KLHL1: variants seen among roughly 807,000 people sequenced by gnomAD.
The protein encoded by KLHL1 is kelch-like protein 1.
In KLHL1, 47 loss-of-function variants were observed where a neutral mutation model predicts 77.7. The observed-to-expected ratio is 0.60, with a 90% CI of 0.48 to 0.77. KLHL1 has a LOEUF of 0.77. Ranked by LOEUF, KLHL1 falls within the 30% of genes least tolerant of loss-of-function variation. The pLI, the probability that KLHL1 is intolerant of heterozygous loss-of-function variation, is 0.00. For missense variants in KLHL1, 925 were observed against 910.8 expected (o/e 1.02, Z -0.20); for synonymous variants, 360 against 325.2 (o/e 1.11, Z -1.15).
At chr13:69,819,315 T>C (rs181878394) in intron 6 of KLHL1, among the ~76,000 whole-genome samples, 1 of 152,320 alleles carries the variant, frequency 6.6e-6, no homozygotes, top group African/African-American at 2.4e-5. Flanking sequence ...ATTTAAATTA[T>C]ATGAAAATTA....
At chr13:70,057,007 A>T (rs999520804) in intron 1 of KLHL1, among the ~76,000 whole-genome samples, 3 of 151,876 alleles carry the variant, frequency 2.0e-5, no homozygotes, top group Non-Finnish European at 4.4e-5. Flanking sequence ...CAAAAAAAAA[A>T]TTGAAAAGTT....
At chr13:69,766,428 T>C (rs1268420198) in intron 7 of KLHL1, among the ~76,000 whole-genome samples, 1 of 151,252 alleles carries the variant, frequency 6.6e-6, no homozygotes, top group African/African-American at 2.4e-5. Flanking sequence ...TCATATATTT[T>C]TGAACTTCCA....
At chr13:70,057,782 C>CAAAAAAAA (rs60920874) in intron 1 of KLHL1, among the ~76,000 whole-genome samples, 31 of 62,036 alleles carry the variant, frequency 5.0e-4, no homozygotes, top group African/African-American at 1.2e-3. Context: ...GACTCCGTCT[C>CAAAAAAAA]AAAAAAAAAA....
intron 4 of KLHL1, among the ~76,000 whole-genome samples, chr13:69,922,241 T>C (rs1453263713): frequency 6.6e-6 from 1 of 152,120 alleles, no homozygotes; most frequent in Non-Finnish European, 1.5e-5. Flanking sequence ...ACCGTCACAC[T>C]GGCCTAGGAA....
intron 5 of KLHL1, among the ~76,000 whole-genome samples, chr13:69,842,638 A>G (rs748351087): frequency 1.3e-5 from 2 of 151,906 alleles, no homozygotes; most frequent in Non-Finnish European, 2.9e-5. Flanking sequence ...AGATTTCTCA[A>G]AAAACTAAAA....
At chr13:69,724,954 T>C (rs748138079) in intron 8 of KLHL1, among the ~76,000 whole-genome samples, 1 of 152,172 alleles carries the variant, frequency 6.6e-6, no homozygotes, top group Non-Finnish European at 1.5e-5. Flanking sequence ...GCTCTACTTA[T>C]TTCCCCCAAG....
chr13:69,933,736 C>T (rs1444106586), intron 4 of KLHL1, among the ~76,000 whole-genome samples: 1 of 151,900 alleles, frequency 6.6e-6, no homozygotes, highest in African/African-American at 2.4e-5. Flanking sequence ...CTGCCTCCAG[C>T]CTAAACCTAA....
intron 1 of KLHL1, among the ~76,000 whole-genome samples, chr13:70,029,433 A>G (rs1886037152): frequency 6.6e-6 from 1 of 152,212 alleles, no homozygotes; most frequent in South Asian, 2.1e-4. Context: ...GCCAGAAAAG[A>G]GTGGGGGCCA....
chr13:69,867,925 C>T (rs113421189), intron 5 of KLHL1, among the ~76,000 whole-genome samples: 186 of 151,870 alleles, frequency 1.2e-3, no homozygotes, highest in African/African-American at 3.9e-3. Context: ...ATGGGTGCAG[C>T]ACACCAACAT....
At chr13:69,813,334 G>A (rs1239280241) in intron 6 of KLHL1, among the ~76,000 whole-genome samples, 1 of 151,848 alleles carries the variant, frequency 6.6e-6, no homozygotes, top group Non-Finnish European at 1.5e-5. Context: ...TGGGGTGGGG[G>A]GAGAGGGGAG....
chr13:69,964,731 C>T (rs1267823555), intron 2 of KLHL1, among the ~76,000 whole-genome samples: 2 of 152,086 alleles, frequency 1.3e-5, no homozygotes, highest in Non-Finnish European at 2.9e-5. Context: ...TGAATTTTCT[C>T]AAATGTCTTT....
intron 7 of KLHL1, among the ~76,000 whole-genome samples, chr13:69,771,596 C>A (rs1875566172): frequency 6.6e-6 from 1 of 152,112 alleles, no homozygotes; most frequent in Non-Finnish European, 1.5e-5. Flanking sequence ...TTCACTTTAG[C>A]CGCTTCTAGT....
intron 1 of KLHL1, among the ~76,000 whole-genome samples, chr13:69,996,083 T>A (rs1418833044): frequency 1.3e-5 from 2 of 152,038 alleles, no homozygotes; most frequent in Non-Finnish European, 2.9e-5. Flanking sequence ...TGCGGGAGGA[T>A]CATGAGGTCA....
intron 7 of KLHL1, among the ~76,000 whole-genome samples, chr13:69,757,261 C>CCA (rs1365855536): frequency 4.6e-5 from 7 of 152,056 alleles, no homozygotes; most frequent in African/African-American, 1.7e-4. Context: ...ATGAACAAGA[C>CCA]CACATATGGT....
intron 1 of KLHL1, among the ~76,000 whole-genome samples, chr13:70,070,436 A>G (rs758671653): frequency 1.3e-5 from 2 of 152,052 alleles, no homozygotes; most frequent in Admixed American, 6.5e-5. Context: ...ATGCAGGCAA[A>G]AAGAGAGTGG....
intron 10 of KLHL1, among the ~76,000 whole-genome samples, chr13:69,702,627 T>C (rs1256642564): frequency 1.3e-5 from 2 of 151,708 alleles, no homozygotes; most frequent in Non-Finnish European, 1.5e-5. Context: ...GACATATTCT[T>C]ATGCTCTAAA....
At chr13:69,978,676 G>A (rs866954622) in intron 1 of KLHL1, among the ~76,000 whole-genome samples, 11 of 151,864 alleles carry the variant, frequency 7.2e-5, no homozygotes, top group South Asian at 6.2e-4. Flanking sequence ...TAGTGGAGAC[G>A]GGGTTTCACC....
intron 2 of KLHL1, among the ~76,000 whole-genome samples, chr13:69,968,692 A>G (rs565556557): frequency 6.6e-6 from 1 of 152,278 alleles, no homozygotes; most frequent in East Asian, 1.9e-4. Context: ...AGAATGGAGC[A>G]GGGTAAGCAT....
chr13:69,926,182 G>T (rs1882807520), intron 4 of KLHL1, among the ~76,000 whole-genome samples: 1 of 152,134 alleles, frequency 6.6e-6, no homozygotes, highest in South Asian at 2.1e-4. Context: ...CAAACATCCT[G>T]CAACATGTGT....
Sources: allele counts gnomAD v4.1 joint callset (sites outside exome capture counted in the v4.1 genomes callset), GRCh38; gene constraint gnomAD v4.1.1; transcripts MANE v1.5; gene names NCBI Gene and HGNC (gene_info 2026-07-23, HGNC 2026-07-21).